Variants in PPP2R2B observed in about 807,000 individuals in gnomAD.
PPP2R2B encodes the protein protein phosphatase 2 regulatory subunit Bbeta, also known as serine/threonine-protein phosphatase 2A 55 kDa regulatory subunit B beta isoform.
A neutral mutation model predicts 46.0 loss-of-function variants in PPP2R2B; 5 were observed. The observed-to-expected ratio is 0.11, with a 90% CI of 0.06 to 0.23. The LOEUF (loss-of-function observed/expected upper bound fraction) is 0.23, where lower values mean the gene tolerates loss of function less well. Among genes scored for constraint, PPP2R2B ranks in the 10% least tolerant of loss-of-function variants. The probability of loss-of-function intolerance (pLI) is 1.00; values close to 1 mark genes in which losing one functional copy is unlikely to be tolerated. For synonymous variants in PPP2R2B, 215 were observed against 206.7 expected (o/e 1.04, Z -0.34); for missense variants, 367 against 575.0 (o/e 0.64, Z 3.70).
chr5:146,848,617 A>G (rs2151379712), intron 2 of PPP2R2B, among the ~76,000 whole-genome samples: 1 of 152,238 alleles, frequency 6.6e-6, no homozygotes, highest in East Asian at 1.9e-4. Context: ...AGGTACCTAT[A>G]TCAACATGCC....
At chr5:147,041,820 T>G (rs951430907) in intron 1 of PPP2R2B, among the ~76,000 whole-genome samples, 13 of 152,100 alleles carry the variant, frequency 8.5e-5, no homozygotes, top group African/African-American at 3.1e-4. Flanking sequence ...AAAGCTTTGT[T>G]GATGACAGTG....
At chr5:146,860,340 C>T (rs1042489373) in intron 2 of PPP2R2B, among the ~76,000 whole-genome samples, 1 of 152,152 alleles carries the variant, frequency 6.6e-6, no homozygotes, top group Non-Finnish European at 1.5e-5. Flanking sequence ...TGGCTCTAGA[C>T]CATCTTACCC....
At chr5:146,625,195 A>C (rs531646771) in intron 7 of PPP2R2B, among the ~76,000 whole-genome samples, 1 of 152,320 alleles carries the variant, frequency 6.6e-6, no homozygotes, top group East Asian at 1.9e-4. Flanking sequence ...AAAATATTGC[A>C]ACTTTTAAAA....
At chr5:146,949,242 ACTAT>A (rs1764580665) in intron 1 of PPP2R2B, among the ~76,000 whole-genome samples, 1 of 152,074 alleles carries the variant, frequency 6.6e-6, no homozygotes, top group South Asian at 2.1e-4. Context: ...ATATTTGCAA[ACTAT>A]CTATCCAACA....
chr5:146,743,376 T>C (rs1182575638), intron 2 of PPP2R2B, among the ~76,000 whole-genome samples: 1 of 152,196 alleles, frequency 6.6e-6, no homozygotes, highest in African/African-American at 2.4e-5. Context: ...TTTATAAAAC[T>C]ATCATGCGAG....
upstream of PPP2R2B, among the ~76,000 whole-genome samples, chr5:146,880,693 T>C (rs1762137837): frequency 6.6e-6 from 1 of 152,178 alleles, no homozygotes; most frequent in Admixed American, 6.5e-5. Context: ...CCAGGCTCAT[T>C]GGCCAGGCTG....
At chr5:146,745,156 AAGACAGAG>A (rs1384235635) in intron 2 of PPP2R2B, among the ~76,000 whole-genome samples, 98 of 106,112 alleles carry the variant, frequency 9.2e-4, no homozygotes, top group African/African-American at 3.5e-3. Flanking sequence ...CGTGCAGAGA[AAGACAGAG>A]AGAGAGAGAG....
intron 2 of PPP2R2B, among the ~76,000 whole-genome samples, chr5:146,729,605 C>T (rs1334210947): frequency 6.6e-6 from 1 of 152,204 alleles, no homozygotes; most frequent in Non-Finnish European, 1.5e-5. Flanking sequence ...GGTCCTCATG[C>T]TATGTGCAGT....
chr5:147,060,654 AC>A (rs1285386159), upstream of PPP2R2B, among the ~76,000 whole-genome samples: 24 of 152,254 alleles, frequency 1.6e-4, no homozygotes, highest in East Asian at 3.9e-3. Context: ...CAACAAAAAA[AC>A]AAAACAAAAC....
rs80136409 is a variant in PPP2R2B at position 147,077,933 on chromosome 5, T to C, written c.50+3126A>G. 8.3e-3 allele frequency among the ~76,000 whole-genome samples: 1,260 copies of C among 152,344 alleles called. 21 individuals are homozygous for C. The highest frequency in any genetic ancestry group is 0.029 in the African/African-American group (1,194 of 41,590). On this transcript the variant is annotated intron_variant, in intron 2 of 10. Transcript: ENST00000394413. Reference sequence around the variant, plus strand: ...ATCGTCTAAGGGCATATGTGTAAAATGCACATTCCAGGCCCTCATTCTAGA... The same window carrying C: ...ATCGTCTAAGGGCATATGTGTAAAACGCACATTCCAGGCCCTCATTCTAGA...
intron 1 of PPP2R2B, among the ~76,000 whole-genome samples, chr5:146,996,526 C>T (rs1465321201): frequency 1.3e-5 from 2 of 152,002 alleles, no homozygotes; most frequent in Non-Finnish European, 2.9e-5. Context: ...CTAGGCAGCT[C>T]CTGAAGATCC....
At chr5:146,927,758 G>A (rs1355369777) in intron 1 of PPP2R2B, among the ~76,000 whole-genome samples, 1 of 150,312 alleles carries the variant, frequency 6.7e-6, no homozygotes, top group Non-Finnish European at 1.5e-5. Context: ...TTTTTAGATG[G>A]AGTCTCACTC....
At chr5:146,798,517 G>A (rs925126889) in intron 2 of PPP2R2B, among the ~76,000 whole-genome samples, 6 of 152,152 alleles carry the variant, frequency 3.9e-5, no homozygotes, top group Admixed American at 1.3e-4. Context: ...TAGAGCAGGA[G>A]CTTAAATTAT....
intron 5 of PPP2R2B, among the ~76,000 whole-genome samples, chr5:146,651,748 C>T (rs1775975022): frequency 6.6e-6 from 1 of 152,144 alleles, no homozygotes; most frequent in East Asian, 1.9e-4. Context: ...TGCAACTGAG[C>T]CCCGACTGAT....
At chr5:146,880,911 T>C (rs1487030315), upstream of PPP2R2B, among the ~76,000 whole-genome samples, 1 of 152,246 alleles carries the variant, frequency 6.6e-6, no homozygotes, top group Non-Finnish European at 1.5e-5. Flanking sequence ...GGTTTCCATT[T>C]GGCCAACTAC....
chr5:146,817,395 T>A (rs371867441), intron 2 of PPP2R2B, among the ~76,000 whole-genome samples: 65 of 152,322 alleles, frequency 4.3e-4, no homozygotes, highest in African/African-American at 1.5e-3. Context: ...CCACCATTTT[T>A]AAAACTTTGA....
Position 146,902,265 on chromosome 5 carries a change from T to A in PPP2R2B, c.79+153400A>T, listed in dbSNP as rs112226906. ...AATACTTCCTGAGTCCCTATAGTAG[T>A]CAAACAGCAAAATATTGTCATCTCA... On this transcript the variant is annotated intron_variant, in intron 1 of 8. Coordinates refer to the PPP2R2B transcript ENST00000336640. 4.6e-5 allele frequency among the ~76,000 whole-genome samples: 7 copies of A among 152,232 alleles called. 1 individual carries two copies. The highest frequency in any genetic ancestry group is 1.4e-4 in the African/African-American group (6 of 41,552).
Position 146,823,527 on chromosome 5 carries a change from C to T in PPP2R2B, c.70+54475G>A, listed in dbSNP as rs151062652. Among the ~76,000 whole-genome samples the T allele has an allele frequency of 8.7e-3, 1,321 of 152,090 alleles. 12 individuals are homozygous for T. Among genetic ancestry groups the T allele is most frequent in the Non-Finnish European group, 0.012 (831 of 67,990 alleles). On this transcript the variant is annotated intron_variant, in intron 2 of 9. Transcript: ENST00000394411. ...TTTACTTAGACGGCACACCACATAACGAGCAGAACGTGCACTGAGATGGGA... is the reference window on the plus strand; with the variant it reads ...TTTACTTAGACGGCACACCACATAATGAGCAGAACGTGCACTGAGATGGGA...
chr5:147,040,411 T>C (rs932542257), intron 1 of PPP2R2B, among the ~76,000 whole-genome samples: 1 of 151,988 alleles, frequency 6.6e-6, no homozygotes, highest in Non-Finnish European at 1.5e-5. Context: ...AGACTAGAAA[T>C]ACTGCAAATA....
Sources: gnomAD v4.1 joint callset for allele counts (sites outside exome capture counted in the v4.1 genomes callset) on GRCh38, gnomAD v4.1.1 for gene constraint, MANE v1.5 for transcripts, NCBI Gene and HGNC (gene_info 2026-07-23, HGNC 2026-07-21) for gene names.